The following ATG2B variants were observed in gnomAD, a reference collection of about 807,000 sequenced individuals.
ATG2B encodes the protein autophagy-related protein 2 homolog B.
Under a neutral mutation model 241.3 loss-of-function variants are expected in ATG2B, and 121 were observed. The ratio of observed to expected loss-of-function variants is 0.50; its 90% CI spans 0.43 to 0.58. The LOEUF (loss-of-function observed/expected upper bound fraction) is 0.58, where lower values mean the gene tolerates loss of function less well. Among genes scored for constraint, ATG2B ranks in the 20% least tolerant of loss-of-function variants. The pLI is 0.00. For synonymous variants in ATG2B, 858 were observed against 876.6 expected (o/e 0.98, Z 0.37); for missense variants, 2,306 against 2,491.6 (o/e 0.93, Z 1.59).
intron 15 of ATG2B, among the ~76,000 whole-genome samples, 198 bp downstream of exon 15, chr14:96,325,451 T>C (rs1887564290): frequency 6.6e-6 from 1 of 152,192 alleles, no homozygotes; most frequent in Admixed American, 6.5e-5. Flanking sequence ...GAATGAATCA[T>C]CATCCTTAGT....
chr14:96,279,331 A>C lies in ATG2B; in HGVS notation c.*6424T>G, dbSNP rs1352804328. 1 of 152,206 alleles carries C rather than the reference A, an allele frequency of 6.6e-6. No homozygotes were observed. Among genetic ancestry groups the C allele is most frequent in the Non-Finnish European group, 1.5e-5 (1 of 68,034 alleles). 9.4% of individuals were successfully genotyped at this position (152,206 alleles called of 1,614,324 possible). On this transcript the variant is annotated 3_prime_UTR_variant, in exon 42 of 42. Transcript: ENST00000359933. ...AAGTAGTAATCATGTGATCTTGGGC[A>C]AAGAATTTCCCCTCTCCGGGCTTCG...
intron 29 of ATG2B, among the ~76,000 whole-genome samples, chr14:96,308,261 TATATATATA>T: frequency 3.9e-5 from 1 of 25,606 alleles, no homozygotes; most frequent in South Asian, 1.0e-3. Flanking sequence ...TACACACATA[TATATATATA>T]TATATATATA....
intron 29 of ATG2B, among the ~76,000 whole-genome samples, chr14:96,308,621 C>G (rs1887069694): frequency 6.6e-6 from 1 of 151,722 alleles, no homozygotes; most frequent in African/African-American, 2.4e-5. Context: ...ACATTTATTA[C>G]AAATAATGTA....
intron 36 of ATG2B, among the ~76,000 whole-genome samples, chr14:96,294,289 G>A (rs1032638880): frequency 1.3e-5 from 2 of 152,206 alleles, no homozygotes; most frequent in South Asian, 2.1e-4. Flanking sequence ...TAACAAGGGG[G>A]CACTGATCTT....
At position 96,308,276 on chromosome 14, in the gene ATG2B, ATATATATT is replaced by A. The variant is rs1566719967; in HGVS notation, c.4303+1169_4303+1176del. 2.6e-3 allele frequency among the ~76,000 whole-genome samples: 71 copies of A among 27,108 alleles called. 4 individuals are homozygous for A. Among genetic ancestry groups the A allele is most frequent in the Middle Eastern group, 0.023 (1 of 44 alleles). 17.8% of individuals were successfully genotyped at this position (27,108 alleles called of 152,430 possible). A position where few individuals can be genotyped will look rare whatever the true frequency, so the allele number is the denominator to read the frequency against. On this transcript the variant is annotated intron_variant, in intron 29 of 41. Transcript: ENST00000359933. ...TACACACATATATATATATATATAT[ATATATATT>A]TTTTTTTTTTTTTTTTTTGAGACAG...
chr14:96,308,251 TACACACATATATATATATATATATA>T (rs1887032126), intron 29 of ATG2B, among the ~76,000 whole-genome samples: 3 of 20,936 alleles, frequency 1.4e-4, no homozygotes, highest in African/African-American at 4.1e-4. Flanking sequence ...TATATATATA[TACACACATATATATATATATATATA>T]TATATATTTT....
chr14:96,286,117 C>T (rs574291783), intron 41 of ATG2B, 132 bp from the exon 42 acceptor site: 3 of 637,570 alleles, frequency 4.7e-6, no homozygotes, highest in Admixed American at 3.0e-5. Context: ...AAAAAAAATG[C>T]CATGCTTTTA....
chr14:96,332,413 A>C lies in ATG2B; in HGVS notation c.1363-3T>G. 1.2e-6 allele frequency: 2 copies of C among 1,613,496 alleles called. No homozygotes were observed. The highest frequency in any genetic ancestry group is 1.7e-6 in the Non-Finnish European group (2 of 1,179,610). On this transcript the variant is annotated splice_region_variant and splice_polypyrimidine_tract_variant and intron_variant, in intron 9 of 41. Transcript: ENST00000359933. ...AACTCTCCCCAAGTGGGCTGAAGCTATAAAAGATTTTTTTTAAGCACATGA... is the reference window on the plus strand; with the variant it reads ...AACTCTCCCCAAGTGGGCTGAAGCTCTAAAAGATTTTTTTTAAGCACATGA...
At chr14:96,300,803 C>A (rs368444664) in intron 34 of ATG2B, among the ~76,000 whole-genome samples, 20 of 152,336 alleles carry the variant, frequency 1.3e-4, no homozygotes, top group African/African-American at 4.6e-4. Flanking sequence ...TAGAGCTATG[C>A]TAAGCTTCTG....
intron 14 of ATG2B, among the ~76,000 whole-genome samples, chr14:96,327,154 T>C (rs1887607044): frequency 6.6e-6 from 1 of 151,880 alleles, no homozygotes; most frequent in Non-Finnish European, 1.5e-5. Context: ...AAGGATCGCT[T>C]AAGCCAAGGG....
At chr14:96,286,087 A>G (rs1434179768) in intron 41 of ATG2B, 102 bp from the exon 42 acceptor site, 1 of 829,988 alleles carries the variant, frequency 1.2e-6, no homozygotes, top group Non-Finnish European at 1.9e-6. Context: ...AGCAGGTAAC[A>G]TTATGTTTGT....
intron 41 of ATG2B, among the ~76,000 whole-genome samples, chr14:96,286,942 A>C (rs908206764): frequency 6.6e-6 from 1 of 152,092 alleles, no homozygotes; most frequent in African/African-American, 2.4e-5. Context: ...CAAAAACGTA[A>C]TACCACAGAG....
Position 96,285,433 on chromosome 14 carries a change from G to C in ATG2B, c.*322C>G. On this transcript the variant is annotated 3_prime_UTR_variant, in exon 42 of 42. Transcript: ENST00000359933. The surrounding 1 kb of genome is among the most constrained non-coding windows in gnomAD (Gnocchi z 4.2). Reference sequence around the variant, plus strand: ...CTCCACAGAGCTACACAAAGTGTTAGAAGGCAGCTTCCAATGATCTCTCGT... The same window carrying C: ...CTCCACAGAGCTACACAAAGTGTTACAAGGCAGCTTCCAATGATCTCTCGT... 3.3e-6 allele frequency: 1 copy of C among 300,702 alleles called. No individual in the cohort carries two copies. The highest frequency in any genetic ancestry group is 6.4e-6 in the Non-Finnish European group (1 of 156,374). 18.6% of individuals were successfully genotyped at this position (300,702 alleles called of 1,614,324 possible). A position where few individuals can be genotyped will look rare whatever the true frequency, so the allele number is the denominator to read the frequency against.
Position 96,290,508 on chromosome 14 carries a change from G to A in ATG2B, c.5784C>T (p.Gly1928=), listed in dbSNP as rs143845208. 23 of 1,614,034 alleles carry A rather than the reference G, an allele frequency of 1.4e-5. No homozygotes were observed. The highest frequency in any genetic ancestry group is 1.6e-4 in the Middle Eastern group (1 of 6,084). ...DGRIVRGFQR[G]AASFGTSTAM... is the part of the protein sequence containing the mutation. ...CTGTCGAGGTACCAAAGGAAGCAGC[G>A]CCTCTCTGAAACCCTCTGACAATGC... The change falls in exon 40 of 42, where the codon GGC becomes GGT. Residue 1928 remains glycine (G), a synonymous_variant. Transcript: ENST00000359933. The surrounding 1 kb of genome is among the most constrained non-coding windows in gnomAD (Gnocchi z 4.4).
In ATG2B at chr14:96,363,018, G is replaced by C. The variant is rs745312901; in HGVS notation, c.-42C>G. The stretch of plus-strand genomic sequence containing the variant: ...TGGGCTGACTGCGGCTGCGGGTTGC[G>C]ACGGCTCCGGCCTCGGGGTAGCGAC... On this transcript the variant is annotated 5_prime_UTR_variant, in exon 1 of 42. Coordinates refer to ENST00000359933, the MANE Select transcript of ATG2B (RefSeq NM_018036.7). 1.2e-6 allele frequency: 2 copies of C among 1,609,510 alleles called. No homozygotes were observed. The highest frequency in any genetic ancestry group is 8.5e-7 in the Non-Finnish European group (1 of 1,178,454).
Position 96,363,028 on chromosome 14 carries a change from G to A in ATG2B, c.-52C>T. 1 of 1,605,744 alleles carries A rather than the reference G, an allele frequency of 6.2e-7. No individual in the cohort carries two copies. The highest frequency in any genetic ancestry group is 8.5e-7 in the Non-Finnish European group (1 of 1,175,968). ...GCGGCTGCGGGTTGCGACGGCTCCG[G>A]CCTCGGGGTAGCGACTCCGGCTCCA... is the stretch of plus-strand genomic sequence containing the variant. On this transcript the variant is annotated 5_prime_UTR_variant, in exon 1 of 42. Transcript: ENST00000359933.
Position 96,333,021 on chromosome 14 carries a change from T to TA in ATG2B, c.1208-367dup, listed in dbSNP as rs1300939311. Among the ~76,000 whole-genome samples the TA allele has an allele frequency of 2.6e-5, 4 of 152,134 alleles. No individual in the cohort carries two copies. The South Asian group carries it at 6.2e-4, about 24-fold the overall frequency. On this transcript the variant is annotated intron_variant, in intron 8 of 41. Coordinates refer to ENST00000359933, the MANE Select transcript of ATG2B (RefSeq NM_018036.7). ...ACCTCTAGTTTCATCTGGATACAGT[T>TA]ATTTCTTTTATTCAGAGCCAAAAAC...
At position 96,358,293 on chromosome 14, in the gene ATG2B, TG is replaced by T. The variant is rs546278283; in HGVS notation, c.162+4521del. Among the ~76,000 whole-genome samples the T allele has an allele frequency of 4.1e-4, 62 of 152,040 alleles. No homozygotes were observed. In the South Asian group the frequency reaches 8.7e-3, roughly 21 times the overall value. On this transcript the variant is annotated intron_variant, in intron 1 of 41. Transcript: ENST00000359933. ...TCTACAAAAATTAAAAGAAATTAACTGGGTGTGGTGGTGTACATCAGTAGTC... is the reference window on the plus strand; with the variant it reads ...TCTACAAAAATTAAAAGAAATTAACTGGTGTGGTGGTGTACATCAGTAGTC...
At chr14:96,311,961 T>C (rs1379720215) in intron 26 of ATG2B, 128 bp downstream of exon 26, 1 of 728,442 alleles carries the variant, frequency 1.4e-6, no homozygotes, top group African/African-American at 1.8e-5. Flanking sequence ...AAAGACCCTT[T>C]AATCTTTAAG....
Sources: allele counts gnomAD v4.1 joint callset (sites outside exome capture counted in the v4.1 genomes callset), GRCh38; gene constraint gnomAD v4.1.1; non-coding constraint Gnocchi (gnomAD v3.1); transcripts MANE v1.5; gene names NCBI Gene and HGNC (gene_info 2026-07-23, HGNC 2026-07-21).